The following PXDNL variants were observed in gnomAD, a reference collection of about 807,000 sequenced individuals.
PXDNL encodes probable oxidoreductase PXDNL.
In PXDNL, 145 loss-of-function variants were observed where a neutral mutation model predicts 150.8. The observed-to-expected ratio is 0.96, with a 90% CI of 0.84 to 1.10. The LOEUF (loss-of-function observed/expected upper bound fraction) is 1.10. Ranked by LOEUF, PXDNL falls within the 50% of genes least tolerant of loss-of-function variation. PXDNL has a pLI of 0.00. For missense variants in PXDNL, 2,087 were observed against 1,873.9 expected (o/e 1.11, Z -2.10); for synonymous variants, 757 against 725.7 (o/e 1.04, Z -0.69).
intron 3 of PXDNL, among the ~76,000 whole-genome samples, chr8:51,590,479 G>A (rs1442160498): frequency 6.6e-6 from 1 of 152,194 alleles, no homozygotes; most frequent in Non-Finnish European, 1.5e-5. Context: ...AAGCATGGCT[G>A]AGCCCAGCAA....
intron 2 of PXDNL, among the ~76,000 whole-genome samples, chr8:51,595,122 A>T (rs1356909060): frequency 6.6e-6 from 1 of 152,184 alleles, no homozygotes; most frequent in East Asian, 1.9e-4. Flanking sequence ...TGAAAACAGG[A>T]TATCTGAATA....
At chr8:51,674,915 G>A (rs148331015) in intron 1 of PXDNL, among the ~76,000 whole-genome samples, 110 of 152,262 alleles carry the variant, frequency 7.2e-4, no homozygotes, top group African/African-American at 2.6e-3. Flanking sequence ...GTTAGATGTG[G>A]ACAAATTACA....
At chr8:51,398,653 A>C (rs568263435) in intron 17 of PXDNL, among the ~76,000 whole-genome samples, 1 of 152,350 alleles carries the variant, frequency 6.6e-6, no homozygotes, top group South Asian at 2.1e-4. Context: ...CTTAGGCAAC[A>C]TTCCTGGGGT....
At chr8:51,516,140 A>G in intron 4 of PXDNL, among the ~76,000 whole-genome samples, 1 of 152,232 alleles carries the variant, frequency 6.6e-6, no homozygotes, top group East Asian at 1.9e-4. Flanking sequence ...TTGAAATAAA[A>G]TTATGTAACT....
At chr8:51,682,554 A>T (rs1048774136) in intron 1 of PXDNL, among the ~76,000 whole-genome samples, 2 of 152,156 alleles carry the variant, frequency 1.3e-5, no homozygotes, top group African/African-American at 4.8e-5. Flanking sequence ...CTGCTGAATG[A>T]CTGGGCTGCA....
intron 17 of PXDNL, among the ~76,000 whole-genome samples, chr8:51,380,622 T>A (rs1807501662): frequency 6.6e-6 from 1 of 152,370 alleles, no homozygotes; most frequent in East Asian, 1.9e-4. Context: ...AAAAGTAATA[T>A]GGCAGTTTTA....
Position 51,666,107 on chromosome 8 carries a change from G to A in PXDNL, c.165-11347C>T, listed in dbSNP as rs142840194. ...AGCTAACCTCCTCCTTTACCACTTC[G>A]TTCAAATCATCCTGGCCTACGTCAC... On this transcript the variant is annotated intron_variant, in intron 1 of 22. Coordinates refer to ENST00000356297, the MANE Select transcript of PXDNL (RefSeq NM_144651.5). 1.4e-3 allele frequency among the ~76,000 whole-genome samples: 220 copies of A among 152,192 alleles called. 1 individual carries two copies. Among genetic ancestry groups the A allele is most frequent in the African/African-American group, 3.8e-3 (156 of 41,520 alleles).
rs199788608 is a variant in PXDNL at position 51,644,335 on chromosome 8, T to TACAC, written c.236+10353_236+10354insGTGT. On this transcript the variant is annotated intron_variant, in intron 2 of 22. Transcript: ENST00000356297. ...GCACATTTTTACATATATATATATA[T>TACAC]ATACACACACACACACACACACACA... Among the ~76,000 whole-genome samples the TACAC allele has an allele frequency of 7.6e-3, 368 of 48,710 alleles. 42 individuals carry two copies. In the East Asian group the frequency reaches 0.1, roughly 13 times the overall value. The allele number at this position is 48,710 out of a possible 152,430, so 32.0% of individuals were successfully genotyped here.
chr8:51,364,129 C>T (rs190540143), intron 19 of PXDNL, among the ~76,000 whole-genome samples: 65 of 152,270 alleles, frequency 4.3e-4, no homozygotes, highest in Non-Finnish European at 8.8e-4. Context: ...TCTGACATAA[C>T]TAAATGCTGC....
intron 17 of PXDNL, among the ~76,000 whole-genome samples, chr8:51,406,125 T>G (rs994934273): frequency 1.3e-5 from 2 of 152,226 alleles, no homozygotes; most frequent in Non-Finnish European, 2.9e-5. Context: ...AGGAGGAATT[T>G]GGGACAGGAA....
At chr8:51,685,811 T>C (rs1447669700) in intron 1 of PXDNL, among the ~76,000 whole-genome samples, 1 of 152,240 alleles carries the variant, frequency 6.6e-6, no homozygotes, top group Admixed American at 6.5e-5. Context: ...TTTATTGCTA[T>C]ATTATTTATC....
At chr8:51,559,387 A>G (rs993225774) in intron 3 of PXDNL, among the ~76,000 whole-genome samples, 1 of 136,784 alleles carries the variant, frequency 7.3e-6, no homozygotes, top group Non-Finnish European at 1.5e-5. Context: ...TTATAGGGAC[A>G]GTTTCATTAA....
intron 1 of PXDNL, among the ~76,000 whole-genome samples, chr8:51,793,029 G>T (rs1269807354): frequency 6.6e-6 from 1 of 152,202 alleles, no homozygotes; most frequent in African/African-American, 2.4e-5. Context: ...TCCTGATTGG[G>T]TGAGACCCCC....
intron 14 of PXDNL, among the ~76,000 whole-genome samples, chr8:51,421,597 G>A (rs908898441): frequency 1.4e-4 from 21 of 152,254 alleles, no homozygotes; most frequent in African/African-American, 4.8e-4. Context: ...AACTCGGGAG[G>A]CTGGGGCAGG....
At chr8:51,413,126 A>C in intron 15 of PXDNL, 24 bp downstream of exon 15, 5 of 1,346,198 alleles carry the variant, frequency 3.7e-6, no homozygotes, top group South Asian at 1.2e-5. Flanking sequence ...ACAAGGTTTC[A>C]ATCTGTGTAA....
intron 20 of PXDNL, among the ~76,000 whole-genome samples, chr8:51,342,386 G>C (rs77476979): frequency 0.03 from 4,485 of 151,874 alleles, 215 homozygotes; most frequent in African/African-American, 0.1. Flanking sequence ...CCATAGTAAA[G>C]GTAGCACATG....
intron 4 of PXDNL, among the ~76,000 whole-genome samples, chr8:51,534,514 A>C (rs868467043): frequency 0.15 from 12 of 78 alleles, 2 homozygotes; most frequent in East Asian, 0.5. Context: ...CCAGCCGCCC[A>C]GTCCGGGAGG....
intron 8 of PXDNL, among the ~76,000 whole-genome samples, chr8:51,461,836 G>C (rs1056878026): frequency 6.6e-6 from 1 of 152,140 alleles, no homozygotes; most frequent in Admixed American, 6.5e-5. Flanking sequence ...CTCACTTCCT[G>C]TCTCCCCCAC....
intron 1 of PXDNL, among the ~76,000 whole-genome samples, chr8:51,745,221 G>T (rs2036969998): frequency 6.6e-6 from 1 of 152,018 alleles, no homozygotes; most frequent in South Asian, 2.1e-4. Flanking sequence ...CTAGATAATT[G>T]CTATCCAATA....
Sources: gnomAD v4.1 joint callset for allele counts (sites outside exome capture counted in the v4.1 genomes callset) on GRCh38, gnomAD v4.1.1 for gene constraint, MANE v1.5 for transcripts, NCBI Gene and HGNC (gene_info 2026-07-23, HGNC 2026-07-21) for gene names.